Variants in METAP1 observed in about 807,000 individuals in gnomAD.
METAP1 encodes methionyl aminopeptidase 1, also known as methionine aminopeptidase 1.
METAP1 carries 28 observed loss-of-function variants against 53.8 expected under a neutral mutation model. The observed-to-expected ratio is 0.52, with a 90% confidence interval of 0.39 to 0.71. The LOEUF (loss-of-function observed/expected upper bound fraction) is 0.71, where lower values mean the gene tolerates loss of function less well. Ranked by LOEUF, METAP1 falls within the 30% of genes least tolerant of loss-of-function variation. The pLI is 0.00. For missense variants in METAP1, 389 were observed against 479.8 expected (o/e 0.81, Z 1.77); for synonymous variants, 181 against 165.7 (o/e 1.09, Z -0.71).
chr4:99,015,283 G>A (rs535577181), intron 1 of METAP1, among the ~76,000 whole-genome samples: 18 of 152,250 alleles, frequency 1.2e-4, no homozygotes, highest in African/African-American at 4.3e-4. Context: ...TTTAGTAAAG[G>A]ACTAATTGGG....
intron 1 of METAP1, among the ~76,000 whole-genome samples, chr4:98,996,472 A>G (rs1180878173): frequency 6.6e-6 from 1 of 152,200 alleles, no homozygotes; most frequent in African/African-American, 2.4e-5. Context: ...TTTGACACTT[A>G]AGCAACTTTG....
rs1413173886 is a variant in METAP1 at position 99,034,266 on chromosome 4, C to T, written c.203C>T (p.Thr68Ile). The change falls in exon 3 of 11, where the codon ACT becomes ATT. Residue 68 changes from threonine (T) to isoleucine (I), a missense_variant. Thr to Ile is a moderately conservative substitution (Grantham distance 89). Coordinates refer to ENST00000296411, the MANE Select transcript of METAP1 (RefSeq NM_015143.3). ...GCGAAGCGAGAAGTGTCTTCCTGGA[C>T]TGTGGAAGGTGATATTAATACTGAC... ...EKAKREVSSW[T>I]VEGDINTDPW... 6.4e-7 allele frequency: 1 copy of T among 1,550,588 alleles called. No individual in the cohort carries two copies. The highest frequency in any genetic ancestry group is 1.2e-5 in the South Asian group (1 of 84,028).
At chr4:99,032,791 A>T (rs2110341723) in intron 2 of METAP1, among the ~76,000 whole-genome samples, 1 of 152,286 alleles carries the variant, frequency 6.6e-6, no homozygotes, top group South Asian at 2.1e-4. Context: ...GTTTTCTGTC[A>T]TGTTTGACCC....
chr4:98,997,562 T>C (rs1273752440), intron 1 of METAP1: 1 of 154,480 alleles, frequency 6.5e-6, no homozygotes, highest in African/African-American at 2.4e-5. Context: ...TAGAATAACT[T>C]TAAAAGTAGG....
chr4:98,995,893 TGCC>T, intron 1 of METAP1, 26 bp downstream of exon 1: 1 of 1,509,240 alleles, frequency 6.6e-7, no homozygotes, highest in Non-Finnish European at 9.0e-7. Flanking sequence ...CCCGCGGATA[TGCC>T]GCCGCTGCGG....
At chr4:99,036,056 G>A (rs1236866218) in intron 4 of METAP1, 1 of 154,268 alleles carries the variant, frequency 6.5e-6, no homozygotes, top group East Asian at 1.9e-4. Context: ...ATGATACTGA[G>A]ACACCCAGCG....
intron 1 of METAP1, chr4:99,005,816 G>C: frequency 2.4e-6 from 1 of 419,846 alleles, no homozygotes; most frequent in Non-Finnish European, 4.7e-6. Flanking sequence ...AGTAACTCTG[G>C]AATGGAAAAC....
intron 1 of METAP1, chr4:99,023,938 C>T (rs1359322162): frequency 3.2e-6 from 1 of 308,506 alleles, no homozygotes; most frequent in Non-Finnish European, 4.7e-6. Context: ...AATCAGTCTC[C>T]TCGAGCGTTT....
chr4:99,011,930 A>C (rs1723491280), intron 1 of METAP1, among the ~76,000 whole-genome samples: 1 of 152,178 alleles, frequency 6.6e-6, no homozygotes, highest in South Asian at 2.1e-4. Flanking sequence ...ACAAGAGTGA[A>C]ACTCCATCTC....
intron 1 of METAP1, among the ~76,000 whole-genome samples, chr4:99,019,839 A>G (rs1216818189): frequency 1.3e-5 from 2 of 152,196 alleles, no homozygotes; most frequent in Non-Finnish European, 2.9e-5. Context: ...GTCCTAGTGG[A>G]CTGTCAGGAT....
At chr4:99,022,423 AG>A (rs1724185532) in intron 1 of METAP1, 2 of 669,056 alleles carry the variant, frequency 3.0e-6, no homozygotes, top group African/African-American at 3.7e-5. Context: ...GGCAGTTGCC[AG>A]GTGAGCCCAT....
Position 99,062,115 on chromosome 4 carries a change from G to T in METAP1, c.*798G>T, listed in dbSNP as rs1461759595. The T allele has an allele frequency of 6.6e-6, 1 of 152,160 alleles. No individual in the cohort carries two copies. Among genetic ancestry groups the T allele is most frequent in the Non-Finnish European group, 1.5e-5 (1 of 68,042 alleles). 9.4% of individuals were successfully genotyped at this position (152,160 alleles called of 1,614,324 possible). ...CACTGCTATTTCAGACCTCTGTTTG[G>T]TCAGAAATGGAAAAGAAAAAGCCCC... On this transcript the variant is annotated 3_prime_UTR_variant, in exon 11 of 11. Transcript: ENST00000296411.
At chr4:99,057,378 T>G (rs1182358883) in intron 9 of METAP1, among the ~76,000 whole-genome samples, 2 of 152,232 alleles carry the variant, frequency 1.3e-5, no homozygotes, top group African/African-American at 2.4e-5. Context: ...TCTACCCGGA[T>G]GAGTAGTGGA....
intron 1 of METAP1, among the ~76,000 whole-genome samples, chr4:98,999,384 TGAA>T (rs1272352027): frequency 6.6e-6 from 1 of 151,820 alleles, no homozygotes; most frequent in Non-Finnish European, 1.5e-5. Context: ...AGGGTTTTGA[TGAA>T]GACTAAATCC....
intron 1 of METAP1, among the ~76,000 whole-genome samples, chr4:99,000,911 CCCAG>C (rs1722892999): frequency 6.6e-6 from 1 of 152,030 alleles, no homozygotes. Flanking sequence ...CACCGTGTTG[CCCAG>C]GCTGGTCTTG....
intron 5 of METAP1, among the ~76,000 whole-genome samples, chr4:99,039,783 GGGGTTTCACCATGTTGCCC>G (rs1177309086): frequency 3.3e-5 from 5 of 151,888 alleles, no homozygotes; most frequent in African/African-American, 1.2e-4. Flanking sequence ...TAGTAGAGAT[GGGGTTTCACCATGTTGCCC>G]AGGCTGGTCT....
rs1486484021 is a variant in METAP1, at chr4:99,061,212, G to A, written c.1056G>A (p.Lys352=). 2 of 1,613,966 alleles carry A rather than the reference G, an allele frequency of 1.2e-6. No individual in the cohort carries two copies. The highest frequency in any genetic ancestry group is 3.3e-5 in the Admixed American group (2 of 60,006). Residue 352 remains lysine, a synonymous_variant, in exon 11 of 11, where the codon AAG becomes AAA. Transcript: ENST00000296411. The part of the protein sequence containing the change: ...DGWTAVTRDG[K]RSAQFEHTLL... ...GGACTGCGGTGACAAGAGACGGAAA[G>A]CGGTCTGCTCAGTTTGAGCACACCC...
chr4:99,005,486 T>A (rs1723131859), intron 1 of METAP1, among the ~76,000 whole-genome samples: 1 of 152,138 alleles, frequency 6.6e-6, no homozygotes, highest in African/African-American at 2.4e-5. Flanking sequence ...GAACAATAGA[T>A]GTTGGCATGG....
At chr4:99,035,300 T>C in intron 3 of METAP1, 100 bp from the exon 4 acceptor site, 3 of 768,456 alleles carry the variant, frequency 3.9e-6, no homozygotes, top group Non-Finnish European at 6.6e-6. Context: ...ATATTTAAGA[T>C]GCCATTTAAA....
Sources: allele counts gnomAD v4.1 joint callset (sites outside exome capture counted in the v4.1 genomes callset), GRCh38; gene constraint gnomAD v4.1.1; transcripts MANE v1.5; gene names NCBI Gene and HGNC (gene_info 2026-07-23, HGNC 2026-07-21).